Variants in TRHDE observed in about 807,000 individuals in gnomAD.
TRHDE encodes the protein thyrotropin-releasing hormone-degrading ectoenzyme.
Under a neutral mutation model 125.7 loss-of-function variants are expected in TRHDE, and 72 were observed. The observed-to-expected ratio is 0.57, with a 90% CI of 0.47 to 0.70. The LOEUF is 0.70. TRHDE is among the 30% of genes least tolerant of loss of function. The pLI, the probability that TRHDE is intolerant of heterozygous loss-of-function variation, is 0.00. For missense variants in TRHDE, 1,110 were observed against 1,327.1 expected (o/e 0.84, Z 2.54); for synonymous variants, 509 against 509.1 (o/e 1.00, Z 0.00).
Position 72,669,669 on chromosome 12 carries a change from G to A in TRHDE, c.*6474G>A, listed in dbSNP as rs1371703609. 1.3e-5 allele frequency: 2 copies of A among 151,624 alleles called. No individual in the cohort carries two copies. The highest frequency in any genetic ancestry group is 3.0e-5 in the Non-Finnish European group (2 of 67,764). 9.4% of individuals were successfully genotyped at this position (151,624 alleles called of 1,614,324 possible). A position where few individuals can be genotyped will look rare whatever the true frequency, so the allele number is the denominator to read the frequency against. ...ACTCAGTGAGAACATTCATTATTAA[G>A]TTTTTGCTATTAATTTTCATTTAAA... On this transcript the variant is annotated 3_prime_UTR_variant, in exon 19 of 19. Transcript: ENST00000261180.
chr12:72,395,958 A>C lies in TRHDE; in HGVS notation c.1315+17837A>C, dbSNP rs149271311. Among the ~76,000 whole-genome samples the C allele has an allele frequency of 2.7e-3, 403 of 151,966 alleles. 1 individual carries two copies. The highest frequency in any genetic ancestry group is 3.9e-3 in the Non-Finnish European group (263 of 67,986). On this transcript the variant is annotated intron_variant, in intron 3 of 18. Transcript: ENST00000261180. ...GTTTTACAAAAGCAATCAAAAGTAA[A>C]TTCCTTCTCTTATCTAGCTGCATCT... is the stretch of plus-strand genomic sequence containing the variant.
chr12:72,178,694 G>C (rs1286822535), intron 2 of TRHDE, among the ~76,000 whole-genome samples: 3 of 151,972 alleles, frequency 2.0e-5, no homozygotes, highest in Non-Finnish European at 4.4e-5. Context: ...TCCCACTTAG[G>C]CATCAGTTTA....
chr12:72,582,449 G>A, intron 12 of TRHDE: 1 of 985,264 alleles, frequency 1.0e-6, no homozygotes, highest in Non-Finnish European at 1.2e-6. Flanking sequence ...ACATTTTTCG[G>A]CATGGCTTTT....
intron 17 of TRHDE, among the ~76,000 whole-genome samples, chr12:72,656,038 G>A (rs893470564): frequency 1.3e-5 from 2 of 152,066 alleles, no homozygotes; most frequent in African/African-American, 4.8e-5. Context: ...TATTATAACA[G>A]TGTGTAGATC....
In TRHDE at chr12:72,475,969, T is replaced by C. The variant is rs567824379; in HGVS notation, c.1584+2789T>C. 3.3e-5 allele frequency among the ~76,000 whole-genome samples: 5 copies of C among 152,262 alleles called. No homozygotes were observed. In the South Asian group the frequency reaches 1.0e-3, roughly 32 times the overall value. ...TCTCACTTTGTGGCCCAGGCTGGAA[T>C]GCAGTGGCACGATCTTGGCTCACTG... On this transcript the variant is annotated intron_variant, in intron 5 of 18. Transcript: ENST00000261180.
At chr12:72,491,812 T>C (rs1267240943) in intron 5 of TRHDE, among the ~76,000 whole-genome samples, 1 of 151,972 alleles carries the variant, frequency 6.6e-6, no homozygotes, top group Admixed American at 6.6e-5. Context: ...AGCTTGGCAT[T>C]GAATGAAATG....
intron 2 of TRHDE, among the ~76,000 whole-genome samples, chr12:72,156,438 C>A (rs546763507): frequency 6.6e-6 from 1 of 152,192 alleles, no homozygotes; most frequent in South Asian, 2.1e-4. Flanking sequence ...GTGAGATGAA[C>A]CTGGTACCTC....
chr12:72,097,798 T>G (rs1350845682), intron 1 of TRHDE, among the ~76,000 whole-genome samples: 1 of 152,096 alleles, frequency 6.6e-6, no homozygotes, highest in Admixed American at 6.5e-5. Flanking sequence ...CTTTCATTCC[T>G]TTTTGTGGTT....
intron 7 of TRHDE, among the ~76,000 whole-genome samples, chr12:72,553,268 T>G (rs888561386): frequency 6.6e-6 from 1 of 152,150 alleles, no homozygotes; most frequent in Non-Finnish European, 1.5e-5. Context: ...TTAGAGAAGA[T>G]AAATACTTGG....
chr12:72,151,553 A>G (rs1308607142), intron 2 of TRHDE, among the ~76,000 whole-genome samples: 1 of 145,160 alleles, frequency 6.9e-6, no homozygotes, highest in African/African-American at 2.5e-5. Context: ...TCTTTAATCC[A>G]TCTTGAATTA....
intron 2 of TRHDE, among the ~76,000 whole-genome samples, chr12:72,324,029 T>G (rs1869224537): frequency 6.6e-6 from 1 of 152,102 alleles, no homozygotes. Flanking sequence ...GTCTTCCTGA[T>G]GCCAGTTTGT....
chr12:72,099,265 G>GT (rs1875010682), intron 1 of TRHDE, among the ~76,000 whole-genome samples: 1 of 152,180 alleles, frequency 6.6e-6, no homozygotes, highest in African/African-American at 2.4e-5. Flanking sequence ...CAAACAGAGG[G>GT]TAAAGTGGTG....
chr12:72,211,213 A>G (rs1472530205), intron 2 of TRHDE, among the ~76,000 whole-genome samples: 1 of 152,176 alleles, frequency 6.6e-6, no homozygotes, highest in Non-Finnish European at 1.5e-5. Flanking sequence ...AGAGAAGACC[A>G]GAGACCACCA....
chr12:72,534,908 A>G (rs1868774283), intron 6 of TRHDE, among the ~76,000 whole-genome samples: 1 of 152,084 alleles, frequency 6.6e-6, no homozygotes, highest in Non-Finnish European at 1.5e-5. Context: ...TGGGAAGAAG[A>G]GCTTAACCAG....
At chr12:72,370,226 T>C (rs970842763) in intron 2 of TRHDE, among the ~76,000 whole-genome samples, 1 of 152,154 alleles carries the variant, frequency 6.6e-6, no homozygotes, top group Admixed American at 6.5e-5. Context: ...AAAGGACATG[T>C]TCAACAGAGG....
intron 1 of TRHDE, among the ~76,000 whole-genome samples, chr12:72,284,812 C>G (rs2139425276): frequency 6.6e-6 from 1 of 152,266 alleles, no homozygotes. Context: ...TTGCTTCTAG[C>G]TTTAACCTCA....
chr12:72,614,666 G>A (rs1435007444), intron 12 of TRHDE, among the ~76,000 whole-genome samples: 1 of 152,022 alleles, frequency 6.6e-6, no homozygotes, highest in Non-Finnish European at 1.5e-5. Flanking sequence ...AGAGTATGAT[G>A]CTCCAAAGAA....
intron 5 of TRHDE, among the ~76,000 whole-genome samples, chr12:72,482,253 AT>A (rs34400798): frequency 0.36 from 54,067 of 150,970 alleles, 11,152 homozygotes; most frequent in African/African-American, 0.55. Context: ...AATTTAGGAA[AT>A]TTTTTTTTAT....
intron 15 of TRHDE, among the ~76,000 whole-genome samples, chr12:72,628,262 GAGA>G (rs1003302621): frequency 2.0e-5 from 3 of 151,812 alleles, no homozygotes; most frequent in Non-Finnish European, 4.4e-5. Flanking sequence ...AGGTTTATAG[GAGA>G]AGGACAATTT....
Sources: allele counts gnomAD v4.1 joint callset (sites outside exome capture counted in the v4.1 genomes callset), GRCh38; gene constraint gnomAD v4.1.1; transcripts MANE v1.5; gene names NCBI Gene and HGNC (gene_info 2026-07-23, HGNC 2026-07-21).